Variants in UBAC2 observed in about 807,000 individuals in gnomAD.
The protein encoded by UBAC2 is UBA domain containing 2, also known as ubiquitin-associated domain-containing protein 2.
UBAC2 carries 26 observed loss-of-function variants against 44.0 expected under a neutral mutation model. The observed-to-expected ratio is 0.59, with a 90% CI of 0.43 to 0.82. The LOEUF is 0.82. UBAC2 is among the 40% of genes least tolerant of loss of function. The pLI, the probability that UBAC2 is intolerant of heterozygous loss-of-function variation, is 0.00. For synonymous variants in UBAC2, 155 were observed against 154.3 expected (o/e 1.00, Z -0.04); for missense variants, 329 against 419.4 (o/e 0.78, Z 1.88).
At chr13:99,210,478 C>T (rs201004761) in intron 1 of UBAC2, among the ~76,000 whole-genome samples, 5 of 112,620 alleles carry the variant, frequency 4.4e-5, no homozygotes, top group African/African-American at 3.3e-5. Context: ...TTTTTCTTTT[C>T]TTTTTTTTTT....
At chr13:99,344,766 C>G (rs7338843) in intron 7 of UBAC2, among the ~76,000 whole-genome samples, 1 of 152,140 alleles carries the variant, frequency 6.6e-6, no homozygotes, top group Non-Finnish European at 1.5e-5. Context: ...CCCCCTGCCA[C>G]GTGCTCCTCG....
chr13:99,379,935 G>A (rs1158859573), intron 8 of UBAC2, among the ~76,000 whole-genome samples: 1 of 152,246 alleles, frequency 6.6e-6, no homozygotes, highest in African/African-American at 2.4e-5. Flanking sequence ...CACAGTGAGT[G>A]ACGCACGTGG....
chr13:99,276,295 A>C (rs182902541), intron 4 of UBAC2, among the ~76,000 whole-genome samples: 2 of 152,170 alleles, frequency 1.3e-5, no homozygotes. Context: ...GACTGTCTCC[A>C]CTTCAGATGC....
chr13:99,325,633 C>G (rs747858005), intron 6 of UBAC2, among the ~76,000 whole-genome samples: 5 of 152,160 alleles, frequency 3.3e-5, no homozygotes, highest in Non-Finnish European at 7.3e-5. Flanking sequence ...CAGCGAATCT[C>G]TGGAGCTTAT....
intron 4 of UBAC2, among the ~76,000 whole-genome samples, chr13:99,309,609 T>C (rs984082069): frequency 5.3e-5 from 8 of 152,138 alleles, no homozygotes; most frequent in Non-Finnish European, 8.8e-5. Flanking sequence ...TTTTTTTGTT[T>C]GTTTGTTTGG....
chr13:99,310,534 A>T (rs2044397803), intron 4 of UBAC2, among the ~76,000 whole-genome samples: 1 of 152,260 alleles, frequency 6.6e-6, no homozygotes, highest in Admixed American at 6.5e-5. Context: ...GTCAGTGACT[A>T]ATAACATTAT....
chr13:99,356,623 C>T (rs1415743454), intron 7 of UBAC2, among the ~76,000 whole-genome samples: 5 of 152,174 alleles, frequency 3.3e-5, no homozygotes, highest in African/African-American at 1.2e-4. Context: ...TCCTTTCCCT[C>T]TAGTTTATTA....
intron 4 of UBAC2, among the ~76,000 whole-genome samples, chr13:99,271,530 G>T (rs188259625): frequency 4.1e-4 from 62 of 152,282 alleles, no homozygotes; most frequent in African/African-American, 1.3e-3. Context: ...TTTAATCAGG[G>T]CATTCGGGAG....
chr13:99,263,267 G>A (rs1004941958), intron 4 of UBAC2, among the ~76,000 whole-genome samples: 1 of 152,146 alleles, frequency 6.6e-6, no homozygotes, highest in Non-Finnish European at 1.5e-5. Flanking sequence ...ATATTCTCAA[G>A]GAAAGGTTTT....
intron 6 of UBAC2, 113 bp from the exon 7 acceptor site, chr13:99,340,207 A>G (rs2044862868): frequency 6.6e-6 from 8 of 1,209,996 alleles, no homozygotes; most frequent in Admixed American, 6.5e-5. Flanking sequence ...TAACACTGCT[A>G]TGACTAAGAA....
At chr13:99,252,746 G>C (rs1300619323) in intron 4 of UBAC2, among the ~76,000 whole-genome samples, 1 of 152,050 alleles carries the variant, frequency 6.6e-6, no homozygotes, top group Admixed American at 6.5e-5. Context: ...ATAATGCTAA[G>C]TAAATTATTT....
chr13:99,231,889 G>A (rs1015746398), intron 1 of UBAC2, among the ~76,000 whole-genome samples: 2 of 152,170 alleles, frequency 1.3e-5, no homozygotes, highest in African/African-American at 4.8e-5. Flanking sequence ...TTAGAAAGAA[G>A]TGACATACAT....
intron 4 of UBAC2, among the ~76,000 whole-genome samples, chr13:99,311,826 C>T (rs549751560): frequency 1.3e-3 from 195 of 152,342 alleles, no homozygotes; most frequent in Non-Finnish European, 2.1e-3. Context: ...GCCTCTTCTT[C>T]CCTGTCCTGG....
chr13:99,322,624 A>T lies in UBAC2; in HGVS notation c.561+4555A>T, dbSNP rs572515314. ...CCATTTCCTGCATTCGTTACTTGTC[A>T]TGTACAGTATATCAGACTTTGATTA... On this transcript the variant is annotated intron_variant, in intron 6 of 8. Transcript: ENST00000403766. Among the ~76,000 whole-genome samples the T allele has an allele frequency of 2.4e-3, 367 of 152,236 alleles. 4 individuals carry two copies. Among genetic ancestry groups the T allele is most frequent in the South Asian group, 0.011 (52 of 4,824 alleles).
intron 1 of UBAC2, chr13:99,215,301 C>T: frequency 1.3e-6 from 1 of 764,180 alleles, no homozygotes; most frequent in South Asian, 1.4e-5. Context: ...ATATAGTCCA[C>T]TGGCATCACC....
At chr13:99,379,004 A>G (rs781435251) in intron 8 of UBAC2, among the ~76,000 whole-genome samples, 1 of 152,230 alleles carries the variant, frequency 6.6e-6, no homozygotes, top group Non-Finnish European at 1.5e-5. Context: ...ATAACAAAAT[A>G]TTTCAGTCAT....
chr13:99,274,104 T>TA (rs1480078558), intron 4 of UBAC2, among the ~76,000 whole-genome samples: 7 of 152,154 alleles, frequency 4.6e-5, no homozygotes, highest in Non-Finnish European at 8.8e-5. Context: ...TTTGCTACCT[T>TA]ACAGTTACTC....
At chr13:99,292,262 A>G (rs2044100008) in intron 4 of UBAC2, among the ~76,000 whole-genome samples, 1 of 151,370 alleles carries the variant, frequency 6.6e-6, no homozygotes, top group African/African-American at 2.4e-5. Context: ...CAGCCTCCTG[A>G]GTAGCTGGGA....
chr13:99,237,199 T>G (rs2043243765), intron 1 of UBAC2, among the ~76,000 whole-genome samples: 1 of 151,804 alleles, frequency 6.6e-6, no homozygotes, highest in Non-Finnish European at 1.5e-5. Context: ...GTTCCCTCTT[T>G]TGAGTTTCCA....
Sources: allele counts gnomAD v4.1 joint callset (sites outside exome capture counted in the v4.1 genomes callset), GRCh38; gene constraint gnomAD v4.1.1; transcripts MANE v1.5; gene names NCBI Gene and HGNC (gene_info 2026-07-23, HGNC 2026-07-21).